NAT1: variants seen among roughly 807,000 people sequenced by gnomAD.
NAT1 encodes the protein arylamine N-acetyltransferase 1.
For missense variants in NAT1, 400 were observed against 339.2 expected (o/e 1.18, Z -1.41); for synonymous variants, 144 against 122.6 (o/e 1.17, Z -1.16).
chr8:18,210,487 C>G (rs1445431935), intron 1 of NAT1, among the ~76,000 whole-genome samples: 1 of 152,014 alleles, frequency 6.6e-6, no homozygotes, highest in African/African-American at 2.4e-5. Context: ...ACGAGTACTG[C>G]TTACTTAAAG....
chr8:18,210,384 G>A (rs555834417), intron 1 of NAT1, among the ~76,000 whole-genome samples: 2 of 152,198 alleles, frequency 1.3e-5, no homozygotes, highest in East Asian at 3.9e-4. Flanking sequence ...CAAACTGTTG[G>A]GTTTACAGTC....
intron 1 of NAT1, among the ~76,000 whole-genome samples, chr8:18,218,554 A>G (rs4921881): frequency 0.03 from 4,536 of 152,316 alleles, 76 homozygotes; most frequent in Non-Finnish European, 0.04. Flanking sequence ...GGTGGGATTT[A>G]TCAGAGATAT....
At chr8:18,192,321 A>G (rs1803025693) in intron 2 of NAT1, among the ~76,000 whole-genome samples, 1 of 152,256 alleles carries the variant, frequency 6.6e-6, no homozygotes, top group Non-Finnish European at 1.5e-5. Flanking sequence ...AATGGCGATC[A>G]TTAAAAAGTC....
chr8:18,179,555 G>T (rs1802428042), intron 2 of NAT1, among the ~76,000 whole-genome samples: 2 of 152,162 alleles, frequency 1.3e-5, no homozygotes, highest in Admixed American at 1.3e-4. Context: ...ATTGAAATGA[G>T]CACAGAAAGA....
intron 2 of NAT1, among the ~76,000 whole-genome samples, chr8:18,174,707 TAAG>T (rs1354102185): frequency 2.6e-5 from 4 of 152,004 alleles, no homozygotes; most frequent in African/African-American, 9.7e-5. Flanking sequence ...GTAGCAAGCA[TAAG>T]AATAGCAAGC....
At chr8:18,193,491 GATATATATATATATA>G (rs1244239371) in intron 2 of NAT1, among the ~76,000 whole-genome samples, 1 of 102,816 alleles carries the variant, frequency 9.7e-6, no homozygotes, top group African/African-American at 2.8e-5. Flanking sequence ...TATATAATCT[GATATATATATATATA>G]ATATATATAT....
At chr8:18,173,595 C>T (rs747767052) in intron 2 of NAT1, among the ~76,000 whole-genome samples, 5 of 152,124 alleles carry the variant, frequency 3.3e-5, no homozygotes, top group African/African-American at 4.8e-5. Context: ...CACCTCTTCC[C>T]AGTACTTAGG....
chr8:18,219,068 G>A (rs1804999088), intron 1 of NAT1, among the ~76,000 whole-genome samples: 1 of 152,138 alleles, frequency 6.6e-6, no homozygotes, highest in Non-Finnish European at 1.5e-5. Flanking sequence ...TGTCATGGTA[G>A]TGACTGGGGG....
At chr8:18,188,002 A>T (rs1317986974) in intron 2 of NAT1, among the ~76,000 whole-genome samples, 3 of 148,166 alleles carry the variant, frequency 2.0e-5, no homozygotes, top group Non-Finnish European at 4.5e-5. Flanking sequence ...ATGAGACAGC[A>T]CTATTGTTTT....
chr8:18,215,251 T>C (rs1804522884), intron 1 of NAT1, among the ~76,000 whole-genome samples: 1 of 152,256 alleles, frequency 6.6e-6, no homozygotes, highest in Admixed American at 6.5e-5. Context: ...CTATTGTGAA[T>C]AGTGCCATAC....
At chr8:18,211,326 T>C (rs2410545) in intron 1 of NAT1, 110,415 of 152,182 alleles carry the variant, frequency 0.73, 40,829 homozygotes, top group African/African-American at 0.89. Context: ...TGCCCTGACA[T>C]GAGGCCCACT....
At chr8:18,182,777 A>G (rs904112390) in intron 2 of NAT1, among the ~76,000 whole-genome samples, 3 of 152,168 alleles carry the variant, frequency 2.0e-5, no homozygotes, top group African/African-American at 7.2e-5. Flanking sequence ...TTCACTCAAA[A>G]AGTGTTGGGA....
intron 2 of NAT1, among the ~76,000 whole-genome samples, chr8:18,190,773 G>T (rs114125092): frequency 0.024 from 3,638 of 152,066 alleles, 153 homozygotes; most frequent in African/African-American, 0.082. Context: ...TATATAGATA[G>T]GTAATAAACA....
At chr8:18,209,195 G>A (rs550735647), upstream of NAT1, among the ~76,000 whole-genome samples, 17 of 152,330 alleles carry the variant, frequency 1.1e-4, no homozygotes, top group African/African-American at 4.1e-4. Context: ...TAGTTTTCAA[G>A]TCTATCTAGC....
At chr8:18,209,846 C>G (rs1161651749), upstream of NAT1, 1 of 152,168 alleles carries the variant, frequency 6.6e-6, no homozygotes, top group African/African-American at 2.4e-5. Context: ...CATGGGACAT[C>G]TAGTGTCAGG....
intron 2 of NAT1, chr8:18,170,788 C>A (rs1393125941): frequency 6.6e-6 from 1 of 152,150 alleles, no homozygotes; most frequent in Non-Finnish European, 1.5e-5. Flanking sequence ...TTTTCTGGGC[C>A]TGAATTGCTG....
chr8:18,180,187 C>T (rs939751993), intron 2 of NAT1, among the ~76,000 whole-genome samples: 2 of 152,066 alleles, frequency 1.3e-5, no homozygotes, highest in African/African-American at 4.8e-5. Context: ...CTGGACCAAG[C>T]CTGGGTGGGC....
intron 1 of NAT1, among the ~76,000 whole-genome samples, chr8:18,216,248 T>C (rs912833396): frequency 2.0e-5 from 3 of 152,190 alleles, no homozygotes; most frequent in South Asian, 2.1e-4. Context: ...GCCAAACGTT[T>C]TGGTTTTAGA....
At chr8:18,189,124 C>G (rs915940646) in intron 2 of NAT1, among the ~76,000 whole-genome samples, 6 of 151,760 alleles carry the variant, frequency 4.0e-5, no homozygotes, top group African/African-American at 1.5e-4. Flanking sequence ...ACATAAAATG[C>G]ATTATTCACT....
Sources: gnomAD v4.1 joint callset for allele counts (sites outside exome capture counted in the v4.1 genomes callset) on GRCh38, gnomAD v4.1.1 for gene constraint, MANE v1.5 for transcripts, NCBI Gene and HGNC (gene_info 2026-07-23, HGNC 2026-07-21) for gene names.